Variants in BACE2 observed in about 807,000 individuals in gnomAD.
BACE2 encodes beta-secretase 2.
A neutral mutation model predicts 46.2 loss-of-function variants in BACE2; 17 were observed. That is an observed-to-expected ratio of 0.37 (90% confidence interval 0.25 to 0.55). The LOEUF is 0.55. Ranked by LOEUF, BACE2 falls within the 20% of genes least tolerant of loss-of-function variation. The pLI is 0.82. For missense variants in BACE2, 595 were observed against 698.1 expected (o/e 0.85, Z 1.66); for synonymous variants, 277 against 295.9 (o/e 0.94, Z 0.66).
chr21:41,247,071 C>A (rs1328758114), intron 6 of BACE2, among the ~76,000 whole-genome samples: 1 of 152,158 alleles, frequency 6.6e-6, no homozygotes, highest in Non-Finnish European at 1.5e-5. Context: ...GCCTGTACTG[C>A]GGCCCTGGCG....
At chr21:41,190,501 G>A (rs1985529987) in intron 1 of BACE2, among the ~76,000 whole-genome samples, 1 of 152,222 alleles carries the variant, frequency 6.6e-6, no homozygotes, top group African/African-American at 2.4e-5. Context: ...AAATACTCAT[G>A]ACAATTACAG....
chr21:41,204,901 A>T (rs1235562107), intron 1 of BACE2, among the ~76,000 whole-genome samples: 1 of 152,226 alleles, frequency 6.6e-6, no homozygotes, highest in African/African-American at 2.4e-5. Context: ...TTTAGAAGAG[A>T]ATAATATCTT....
At chr21:41,198,849 T>TTTTATTTA (rs3838112) in intron 1 of BACE2, among the ~76,000 whole-genome samples, 8,771 of 140,064 alleles carry the variant, frequency 0.063, 293 homozygotes, top group Middle Eastern at 0.1. Context: ...TCTGTACGCT[T>TTTTATTTA]TTTATTTATT....
At chr21:41,178,217 A>G (rs1984932434) in intron 1 of BACE2, 1 of 152,218 alleles carries the variant, frequency 6.6e-6, no homozygotes, top group Admixed American at 6.5e-5. Context: ...CAAAGGGAGA[A>G]TGTCCAGTGG....
At position 41,174,138 on chromosome 21, in the gene BACE2, CCTTTTT is replaced by C. The variant is rs1397475511; in HGVS notation, c.312+5564_312+5569del. 3.7e-3 allele frequency among the ~76,000 whole-genome samples: 264 copies of C among 70,648 alleles called. 28 individuals carry two copies. Among genetic ancestry groups the C allele is most frequent in the African/African-American group, 0.023 (248 of 10,560 alleles). 46.3% of individuals were successfully genotyped at this position (70,648 alleles called of 152,430 possible). A position where few individuals can be genotyped will look rare whatever the true frequency, so the allele number is the denominator to read the frequency against. On this transcript the variant is annotated intron_variant, in intron 1 of 8. Coordinates refer to ENST00000330333, the MANE Select transcript of BACE2 (RefSeq NM_012105.5). Reference sequence around the variant, plus strand: ...TAAGGATAGCTGTTGTGATCAGTGGCCTTTTTTTTTTTTTTTTTTTTTTTTTAAACA... The same window carrying C: ...TAAGGATAGCTGTTGTGATCAGTGGCTTTTTTTTTTTTTTTTTTTTAAACA...
intron 2 of BACE2, among the ~76,000 whole-genome samples, chr21:41,235,742 A>T (rs880847): frequency 0.018 from 2,790 of 152,294 alleles, 94 homozygotes; most frequent in African/African-American, 0.063. Context: ...CTCAGTAGGC[A>T]GAGGTGGGAG....
At chr21:41,263,403 A>G (rs1319936991) in intron 8 of BACE2, among the ~76,000 whole-genome samples, 1 of 152,226 alleles carries the variant, frequency 6.6e-6, no homozygotes, top group Non-Finnish European at 1.5e-5. Context: ...AATACATAAA[A>G]CCATCACTTT....
intron 1 of BACE2, among the ~76,000 whole-genome samples, chr21:41,188,829 A>T (rs1412985795): frequency 6.6e-6 from 1 of 152,202 alleles, no homozygotes; most frequent in African/African-American, 2.4e-5. Context: ...GCTCAACTTC[A>T]ACCTTAAGCC....
chr21:41,210,947 T>A (rs1986282784), intron 1 of BACE2, among the ~76,000 whole-genome samples: 1 of 152,058 alleles, frequency 6.6e-6, no homozygotes, highest in Non-Finnish European at 1.5e-5. Context: ...CCCCAACCCC[T>A]CCTCCTTCAA....
rs757684087 is a variant in BACE2, at chr21:41,241,839, C to A, written c.639C>A (p.Thr213=). The A allele has an allele frequency of 3.6e-5, 58 of 1,614,056 alleles. No homozygotes were observed. Among genetic ancestry groups the A allele is most frequent in the Non-Finnish European group, 4.8e-5 (57 of 1,180,032 alleles). The change falls in exon 4 of 9, where the codon ACC becomes ACA. Residue 213 remains threonine, a synonymous_variant. Coordinates refer to ENST00000330333, the MANE Select transcript of BACE2 (RefSeq NM_012105.5). ...TLAKPSSSLE[T]FFDSLVTQAN... is the part of the protein sequence containing the mutation. Reference sequence around the variant, plus strand: ...CGCAGCCATCAAGTTCTCTGGAGACCTTCTTCGACTCCCTGGTGACACAAG... The same window carrying A: ...CGCAGCCATCAAGTTCTCTGGAGACATTCTTCGACTCCCTGGTGACACAAG...
chr21:41,186,656 T>C (rs1269034741), intron 1 of BACE2: 1 of 152,238 alleles, frequency 6.6e-6, no homozygotes, highest in Non-Finnish European at 1.5e-5. Flanking sequence ...AGTTCTTGGA[T>C]TTGCCCAAAG....
intron 1 of BACE2, among the ~76,000 whole-genome samples, chr21:41,197,110 T>C (rs1985761089): frequency 6.6e-6 from 1 of 151,754 alleles, no homozygotes; most frequent in South Asian, 2.1e-4. Context: ...CACAGGTGCA[T>C]GCCACCACAC....
At chr21:41,210,459 C>G (rs1986263112) in intron 1 of BACE2, among the ~76,000 whole-genome samples, 1 of 152,214 alleles carries the variant, frequency 6.6e-6, no homozygotes, top group Admixed American at 6.5e-5. Flanking sequence ...AAGGGTTGAG[C>G]CGCGTACTCT....
At chr21:41,270,006 T>C (rs535581251) in intron 8 of BACE2, among the ~76,000 whole-genome samples, 1 of 152,318 alleles carries the variant, frequency 6.6e-6, no homozygotes, top group South Asian at 2.1e-4. Flanking sequence ...CAACATTTGG[T>C]ATGGTCAGTA....
At chr21:41,222,978 A>T (rs1181328003) in intron 1 of BACE2, among the ~76,000 whole-genome samples, 1 of 152,174 alleles carries the variant, frequency 6.6e-6, no homozygotes, top group Non-Finnish European at 1.5e-5. Flanking sequence ...TCAATTCGGG[A>T]CACGCCAGGC....
intron 1 of BACE2, chr21:41,176,499 C>A (rs1284973487): frequency 6.6e-6 from 1 of 152,250 alleles, no homozygotes; most frequent in Non-Finnish European, 1.5e-5. Context: ...CCACGCTGGC[C>A]CCAGCCATTG....
chr21:41,200,056 G>T (rs1335071995), intron 1 of BACE2, among the ~76,000 whole-genome samples: 2 of 139,954 alleles, frequency 1.4e-5, no homozygotes, highest in Non-Finnish European at 3.1e-5. Flanking sequence ...GGGGGAGGGG[G>T]GAGGAATAGC....
intron 8 of BACE2, among the ~76,000 whole-genome samples, chr21:41,268,190 C>T (rs557084050): frequency 5.3e-5 from 8 of 152,320 alleles, no homozygotes; most frequent in Admixed American, 2.6e-4. Context: ...CTGGTAGGGG[C>T]TGTTATTACC....
chr21:41,247,526 A>T (rs888218836), intron 6 of BACE2, among the ~76,000 whole-genome samples: 1 of 152,266 alleles, frequency 6.6e-6, no homozygotes, highest in African/African-American at 2.4e-5. Flanking sequence ...CAGCAGAATT[A>T]ACGGGAGTAT....
Sources: gnomAD v4.1 joint callset for allele counts (sites outside exome capture counted in the v4.1 genomes callset) on GRCh38, gnomAD v4.1.1 for gene constraint, MANE v1.5 for transcripts, NCBI Gene and HGNC (gene_info 2026-07-23, HGNC 2026-07-21) for gene names.